Variants in IHO1 observed in about 807,000 individuals in gnomAD.
IHO1 encodes the protein interactor of HORMAD1 1.
Under a neutral mutation model 31.0 loss-of-function variants are expected in IHO1, and 13 were observed. That is an observed-to-expected ratio of 0.42 (90% confidence interval 0.27 to 0.67). The LOEUF is 0.67. IHO1 is among the 30% of genes least tolerant of loss of function. The probability of loss-of-function intolerance (pLI) is 0.24; values close to 1 mark genes in which losing one functional copy is unlikely to be tolerated. For missense variants in IHO1, 599 were observed against 687.5 expected, an observed-to-expected ratio of 0.87 and a Z score of 1.44; for synonymous variants, 221 against 248.4, an observed-to-expected ratio of 0.89 and a Z score of 1.04.
Position 49,256,101 on chromosome 3 carries a change from C to T in IHO1, c.637-33C>T, listed in dbSNP as rs748491932. On this transcript the variant is annotated intron_variant, in intron 7 of 7. Coordinates refer to ENST00000452691, the MANE Select transcript of IHO1 (RefSeq NM_001135197.2). This position sits in a 1 kb window ranked among gnomAD's most constrained non-coding sequence, Gnocchi z 4.6. The stretch of plus-strand genomic sequence containing the variant: ...ATTGTGCTTTCTGACTTGCACTGTC[C>T]ATCACTGTCTTTCTCACTGCCTCTC... The T allele has an allele frequency of 9.7e-6, 15 of 1,548,262 alleles. No individual in the cohort carries two copies. In the South Asian group the frequency reaches 1.7e-4, roughly 18 times the overall value.
chr3:49,227,297 G>C (rs1350991152), intron 2 of IHO1, among the ~76,000 whole-genome samples: 2 of 152,116 alleles, frequency 1.3e-5, no homozygotes, highest in East Asian at 3.9e-4. Flanking sequence ...CTTTTTCAGG[G>C]TTTGCAGGTC....
At chr3:49,221,185 A>G (rs902378238) in intron 2 of IHO1, among the ~76,000 whole-genome samples, 2 of 150,160 alleles carry the variant, frequency 1.3e-5, no homozygotes, top group African/African-American at 4.9e-5. Flanking sequence ...CAGAGTGCTG[A>G]TTGGTGCATT....
chr3:49,212,976 G>C (rs967379377), intron 2 of IHO1, among the ~76,000 whole-genome samples: 3 of 152,172 alleles, frequency 2.0e-5, no homozygotes, highest in African/African-American at 7.2e-5. Flanking sequence ...TGATCGGTCT[G>C]TTTTACAGAG....
chr3:49,221,104 T>C (rs1388580960), intron 2 of IHO1, among the ~76,000 whole-genome samples: 1 of 152,218 alleles, frequency 6.6e-6, no homozygotes, highest in African/African-American at 2.4e-5. Flanking sequence ...ATTGGTGCAT[T>C]TACAATCCTT....
At chr3:49,238,141 T>G (rs1248207663) in intron 3 of IHO1, among the ~76,000 whole-genome samples, 2 of 152,048 alleles carry the variant, frequency 1.3e-5, no homozygotes, top group African/African-American at 2.4e-5. Flanking sequence ...TAACCTCAGA[T>G]GATCTGCTCA....
chr3:49,252,239 AT>A, intron 6 of IHO1: 1 of 157,140 alleles, frequency 6.4e-6, no homozygotes. Flanking sequence ...TTTTCATGCC[AT>A]TTTCTGTTGT....
intron 2 of IHO1, among the ~76,000 whole-genome samples, chr3:49,231,865 G>T (rs2046486125): frequency 6.6e-6 from 1 of 152,250 alleles, no homozygotes; most frequent in Non-Finnish European, 1.5e-5. Flanking sequence ...CTATCATCCA[G>T]CGATGCCCAA....
At chr3:49,247,956 C>G (rs1380583504) in intron 6 of IHO1, among the ~76,000 whole-genome samples, 1 of 151,704 alleles carries the variant, frequency 6.6e-6, no homozygotes, top group Non-Finnish European at 1.5e-5. Flanking sequence ...GAAAACCCGT[C>G]TCTACTAAAA....
chr3:49,220,283 C>T (rs757018542), intron 2 of IHO1, among the ~76,000 whole-genome samples: 2 of 152,234 alleles, frequency 1.3e-5, no homozygotes, highest in Non-Finnish European at 2.9e-5. Context: ...CCGGCTCAGG[C>T]AATTCCCTCA....
At chr3:49,234,261 C>T (rs570744464) in intron 2 of IHO1, among the ~76,000 whole-genome samples, 1 of 149,148 alleles carries the variant, frequency 6.7e-6, no homozygotes, top group African/African-American at 2.5e-5. Context: ...CAACCTCCAG[C>T]TCCCTGGTTC....
At chr3:49,243,304 A>C (rs1179094333) in intron 4 of IHO1, among the ~76,000 whole-genome samples, 3 of 151,904 alleles carry the variant, frequency 2.0e-5, no homozygotes. Flanking sequence ...CACCATGCCC[A>C]GCTAATATTT....
intron 2 of IHO1, among the ~76,000 whole-genome samples, 163 bp from the exon 3 acceptor site, chr3:49,236,385 G>A (rs2046560308): frequency 6.6e-6 from 1 of 152,152 alleles, no homozygotes; most frequent in African/African-American, 2.4e-5. Flanking sequence ...GTGGTATTCA[G>A]AATTTCCTTG....
upstream of IHO1, among the ~76,000 whole-genome samples, chr3:49,196,324 C>CAT (rs1553615065): frequency 1.5e-5 from 2 of 134,652 alleles, no homozygotes; most frequent in African/African-American, 2.7e-5. Context: ...AACGTTTTTA[C>CAT]TTTTTTTTTT....
At chr3:49,214,055 T>G (rs891084930) in intron 2 of IHO1, 4 of 268,462 alleles carry the variant, frequency 1.5e-5, no homozygotes, top group African/African-American at 8.8e-5. Context: ...TATCTTCTTG[T>G]GCTTTTTTTA....
upstream of IHO1, among the ~76,000 whole-genome samples, chr3:49,196,228 CAAAAAA>C (rs1210658279): frequency 5.0e-4 from 22 of 43,656 alleles, no homozygotes; most frequent in African/African-American, 1.4e-3. Context: ...GACTCCGTCA[CAAAAAA>C]AAAAAAAAAA....
chr3:49,224,456 C>T (rs1401305169), intron 2 of IHO1, among the ~76,000 whole-genome samples: 1 of 151,958 alleles, frequency 6.6e-6, no homozygotes, highest in Non-Finnish European at 1.5e-5. Flanking sequence ...GGGGGTTCTT[C>T]CCAGAGGTTA....
intron 6 of IHO1, among the ~76,000 whole-genome samples, chr3:49,251,559 C>T (rs1342524724): frequency 6.6e-6 from 1 of 151,962 alleles, no homozygotes; most frequent in Non-Finnish European, 1.5e-5. Flanking sequence ...GCTGGGATTA[C>T]TGGTGTGAGC....
chr3:49,250,436 A>G (rs1283708110), intron 6 of IHO1, among the ~76,000 whole-genome samples: 1 of 152,188 alleles, frequency 6.6e-6, no homozygotes, highest in African/African-American at 2.4e-5. Context: ...CCTCAGATGG[A>G]TGCTTTCTGA....
chr3:49,226,398 C>A (rs748276001), intron 2 of IHO1, among the ~76,000 whole-genome samples: 1 of 152,152 alleles, frequency 6.6e-6, no homozygotes, highest in Admixed American at 6.5e-5. Flanking sequence ...AGTATATTTT[C>A]TTAAGGCTTC....
Sources: allele counts gnomAD v4.1 joint callset (sites outside exome capture counted in the v4.1 genomes callset), GRCh38; gene constraint gnomAD v4.1.1; non-coding constraint Gnocchi (gnomAD v3.1); transcripts MANE v1.5; gene names NCBI Gene and HGNC (gene_info 2026-07-23, HGNC 2026-07-21).